VWDE: variants seen among roughly 807,000 people sequenced by gnomAD.
The protein encoded by VWDE is von Willebrand factor D and EGF domains.
In VWDE, 207 loss-of-function variants were observed where a neutral mutation model predicts 178.4. That is an observed-to-expected ratio of 1.16 (90% CI 1.04 to 1.30). VWDE has a LOEUF of 1.30. VWDE is among the 50% of genes most tolerant of loss of function. VWDE has a pLI of 0.00. For missense variants in VWDE, 2,287 were observed against 1,901.3 expected (o/e 1.20, Z -3.77); for synonymous variants, 738 against 651.4 (o/e 1.13, Z -2.02).
At position 12,383,524 on chromosome 7, in the gene VWDE, T is replaced by C. The variant is rs1562510254; in HGVS notation, c.541+12A>G. 3 of 1,548,908 alleles carry C rather than the reference T, an allele frequency of 1.9e-6. No individual in the cohort carries two copies. Among genetic ancestry groups the C allele is most frequent in the Middle Eastern group, 1.7e-4 (1 of 6,004 alleles). ...TAAAAACACTATTAAAAAAGCAAAA[T>C]ATGATACTTACGAACACAATCACCT... is the stretch of plus-strand genomic sequence containing the variant. On this transcript the variant is annotated intron_variant, in intron 4 of 28. Coordinates refer to ENST00000275358, the MANE Select transcript of VWDE (RefSeq NM_001135924.3).
intron 7 of VWDE, among the ~76,000 whole-genome samples, chr7:12,375,447 A>G (rs116550633): frequency 0.012 from 1,882 of 152,188 alleles, 33 homozygotes; most frequent in African/African-American, 0.043. Flanking sequence ...ATACATATGT[A>G]CACATAAATA....
At chr7:12,354,304 T>C in intron 18 of VWDE, 1 of 383,980 alleles carries the variant, frequency 2.6e-6, no homozygotes, top group South Asian at 2.0e-5. Context: ...AAAAAATAAT[T>C]AACTGCAGCA....
intron 1 of VWDE, among the ~76,000 whole-genome samples, chr7:12,394,551 A>T (rs1784540483): frequency 1.3e-5 from 2 of 152,140 alleles, no homozygotes; most frequent in Non-Finnish European, 2.9e-5. Context: ...CCAGCACTAA[A>T]AGTGGACAGA....
At chr7:12,382,990 A>G (rs551629034) in intron 4 of VWDE, among the ~76,000 whole-genome samples, 1 of 151,894 alleles carries the variant, frequency 6.6e-6, no homozygotes, top group East Asian at 1.9e-4. Context: ...TTCAAGATTT[A>G]TTTGACATAA....
Position 12,389,195 on chromosome 7 carries a change from C to T in VWDE, c.407G>A (p.Arg136Lys). Residue 136 changes from arginine (R) to lysine (K), a missense_variant, in exon 3 of 29, where the codon AGA becomes AAA. Physicochemically the swap from Arg to Lys is conservative, Grantham distance 26 (BLOSUM62 2). Transcript: ENST00000275358. Reference sequence around the variant, plus strand: ...GTATACAGAAAAGTTCCCACAGTTTCTTACAGACACTGGGATTTGAAAGAG... The same window carrying T: ...GTATACAGAAAAGTTCCCACAGTTTTTTACAGACACTGGGATTTGAAAGAG... The part of the protein sequence containing the change: ...CCLFQIPVSV[R>K]NCGNFSVYLL... The T allele has an allele frequency of 6.4e-7, 1 of 1,551,886 alleles. No homozygotes were observed. Among genetic ancestry groups the T allele is most frequent in the Non-Finnish European group, 8.7e-7 (1 of 1,147,050 alleles).
chr7:12,346,968 A>G (rs1781638855), intron 19 of VWDE, among the ~76,000 whole-genome samples: 2 of 152,206 alleles, frequency 1.3e-5, no homozygotes, highest in East Asian at 1.9e-4. Context: ...AAGTGCAATG[A>G]AAGATTTTTG....
chr7:12,360,958 G>A (rs574913706), intron 15 of VWDE, among the ~76,000 whole-genome samples, 189 bp downstream of exon 15: 1 of 152,084 alleles, frequency 6.6e-6, no homozygotes, highest in Non-Finnish European at 1.5e-5. Context: ...ATTTCAAAAT[G>A]TTAAAGGTAG....
chr7:12,390,971 C>T (rs1784358188), intron 2 of VWDE, among the ~76,000 whole-genome samples: 1 of 151,978 alleles, frequency 6.6e-6, no homozygotes, highest in African/African-American at 2.4e-5. Flanking sequence ...ATAGCAAAAT[C>T]CTGAATGTCC....
chr7:12,364,500 C>T (rs1222510297), intron 13 of VWDE, among the ~76,000 whole-genome samples: 14 of 151,920 alleles, frequency 9.2e-5, no homozygotes. Context: ...TAATAGTTCC[C>T]AATGGTCAAA....
At chr7:12,374,276 C>G (rs558398419) in intron 9 of VWDE, among the ~76,000 whole-genome samples, 2 of 152,038 alleles carry the variant, frequency 1.3e-5, no homozygotes, top group Admixed American at 6.6e-5. Context: ...GTATTCTTGT[C>G]AAGACTTAGG....
intron 19 of VWDE, among the ~76,000 whole-genome samples, chr7:12,348,509 A>G (rs905185208): frequency 1.3e-5 from 2 of 150,838 alleles, no homozygotes; most frequent in Non-Finnish European, 3.0e-5. Context: ...AGAAATGCAA[A>G]TCAAAACCAC....
intron 19 of VWDE, among the ~76,000 whole-genome samples, chr7:12,350,646 C>T (rs1048976995): frequency 6.6e-6 from 1 of 151,958 alleles, no homozygotes; most frequent in Non-Finnish European, 1.5e-5. Context: ...GTTTGAGACC[C>T]TGGTCTCTTC....
intron 24 of VWDE, 59 bp from the exon 25 acceptor site, chr7:12,337,331 A>G: frequency 7.5e-7 from 1 of 1,326,378 alleles, no homozygotes; most frequent in Non-Finnish European, 1.1e-6. Context: ...TACATATGAT[A>G]CATTGCATCA....
chr7:12,370,423 T>C lies in VWDE; in HGVS notation c.1883A>G (p.Asp628Gly). 6.5e-7 allele frequency: 1 copy of C among 1,546,106 alleles called. No homozygotes were observed. The highest frequency in any genetic ancestry group is 8.7e-7 in the Non-Finnish European group (1 of 1,146,768). Reference protein sequence around the residue: ...GKPSYCSCSLDTAAYPSSEDL... With the variant: ...GKPSYCSCSLGTAAYPSSEDL... ...TTCGGAAGACGGATACGCTGCAGTG[T>C]CCAATGAACAGCTACAATAGGATGG... The change falls in exon 12 of 29, where the codon GAC (aspartate) becomes GGC (glycine). Residue 628 changes from aspartate (D) to glycine (G), a missense_variant. Transcript: ENST00000275358.
rs1404363151 is a variant in VWDE, at chr7:12,389,233, T to G, written c.369A>C (p.Thr123=). ...CATWQFLFST[T]KDCCLFQIPV... ...GGATTTGAAAGAGACAGCAGTCTTT[T>G]GTAGTGCTGAACAAAAACTGCCATG... Residue 123 remains threonine, a synonymous_variant, in exon 3 of 29, where the codon ACA becomes ACC. Coordinates refer to ENST00000275358, the MANE Select transcript of VWDE (RefSeq NM_001135924.3). 1 of 1,551,718 alleles carries G rather than the reference T, an allele frequency of 6.4e-7. No individual in the cohort carries two copies. The highest frequency in any genetic ancestry group is 8.7e-7 in the Non-Finnish European group (1 of 1,146,994).
At chr7:12,346,132 A>G (rs1049780328) in intron 19 of VWDE, among the ~76,000 whole-genome samples, 4 of 152,172 alleles carry the variant, frequency 2.6e-5, no homozygotes, top group Admixed American at 2.6e-4. Context: ...TCTGCCTTCA[A>G]GGAGCTTATA....
intron 22 of VWDE, among the ~76,000 whole-genome samples, 199 bp from the exon 23 acceptor site, chr7:12,342,353 T>A (rs1244090879): frequency 6.6e-6 from 1 of 152,124 alleles, no homozygotes; most frequent in Admixed American, 6.5e-5. Context: ...TTTTGGTTAA[T>A]AGAGAGGGAA....
chr7:12,362,792 G>T (rs1290549587), intron 13 of VWDE, among the ~76,000 whole-genome samples: 1 of 152,056 alleles, frequency 6.6e-6, no homozygotes, highest in Admixed American at 6.6e-5. Context: ...ATATTTAAGG[G>T]AGTATGGAGA....
chr7:12,342,066 A>G lies in VWDE; in HGVS notation c.4263T>C (p.Cys1421=), dbSNP rs1781361463. The G allele has an allele frequency of 1.3e-6, 2 of 1,550,936 alleles. No individual in the cohort carries two copies. The highest frequency in any genetic ancestry group is 2.0e-5 in the Admixed American group (1 of 50,980). The change falls in exon 23 of 29, where the codon TGT becomes TGC. Residue 1421 remains cysteine (C), a synonymous_variant. Coordinates refer to ENST00000275358, the MANE Select transcript of VWDE (RefSeq NM_001135924.3). The stretch of plus-strand genomic sequence containing the variant: ...AAATATTTCCAATTTTACCTGTACT[A>G]CAGGTGGGTCCATACCAGCCAGGTT... ...QCKPGWYGPT[C]STALCDPVCL...
Sources: allele counts gnomAD v4.1 joint callset (sites outside exome capture counted in the v4.1 genomes callset), GRCh38; gene constraint gnomAD v4.1.1; transcripts MANE v1.5; gene names NCBI Gene and HGNC (gene_info 2026-07-23, HGNC 2026-07-21).